Variants in ARFGEF1 observed in about 807,000 individuals in gnomAD.
ARFGEF1 encodes the protein ARF guanine nucleotide exchange factor 1, also known as brefeldin A-inhibited guanine nucleotide-exchange protein 1.
ARFGEF1 carries 42 observed loss-of-function variants against 231.0 expected under a neutral mutation model. The observed-to-expected ratio is 0.18, with a 90% CI of 0.14 to 0.24. The LOEUF is 0.24. Ranked by LOEUF, ARFGEF1 falls within the 10% of genes least tolerant of loss-of-function variation. ARFGEF1 has a pLI of 1.00. For synonymous variants in ARFGEF1, 710 were observed against 732.3 expected (o/e 0.97, Z 0.49); for missense variants, 1,345 against 2,192.0 (o/e 0.61, Z 7.72).
At chr8:67,210,788 C>G (rs1838706832) in intron 34 of ARFGEF1, among the ~76,000 whole-genome samples, 1 of 152,172 alleles carries the variant, frequency 6.6e-6, no homozygotes, top group Non-Finnish European at 1.5e-5. Context: ...GGCGCAGTGG[C>G]TCACGCCTGT....
rs997759524 is a variant in ARFGEF1, at chr8:67,327,087, T to C, written c.124+16077A>G. 7.9e-5 allele frequency among the ~76,000 whole-genome samples: 12 copies of C among 152,326 alleles called. No homozygotes were observed. In the East Asian group the frequency reaches 2.3e-3, roughly 29 times the overall value. ...TGTGTTCACTATGAGGTTGACTTGC[T>C]TGTAAATAAATATGACTATTATTCA... is the stretch of plus-strand genomic sequence containing the variant. On this transcript the variant is annotated intron_variant, in intron 1 of 38. Coordinates refer to ENST00000262215, the MANE Select transcript of ARFGEF1 (RefSeq NM_006421.5).
Position 67,198,899 on chromosome 8 carries a change from G to A in ARFGEF1, c.*35C>T, listed in dbSNP as rs776205184. 2 of 1,608,690 alleles carry A rather than the reference G, an allele frequency of 1.2e-6. No homozygotes were observed. Among genetic ancestry groups the A allele is most frequent in the East Asian group, 4.5e-5 (2 of 44,658 alleles). On this transcript the variant is annotated 3_prime_UTR_variant, in exon 39 of 39. Coordinates refer to ENST00000262215, the MANE Select transcript of ARFGEF1 (RefSeq NM_006421.5). ...CTCCAGCGTCCTTTTAAAGAGCAGA[G>A]GGATGTAAATGCCAACAAAAATATT...
chr8:67,311,177 G>A (rs1173314262), intron 1 of ARFGEF1, among the ~76,000 whole-genome samples: 44 of 138,580 alleles, frequency 3.2e-4, no homozygotes, highest in African/African-American at 1.1e-3. Flanking sequence ...CTGCCCGGCC[G>A]CCCCCACTGG....
At chr8:67,331,806 TTC>T (rs1446854858) in intron 1 of ARFGEF1, among the ~76,000 whole-genome samples, 5 of 152,078 alleles carry the variant, frequency 3.3e-5, no homozygotes, top group South Asian at 2.1e-4. Context: ...AGACAGCAAA[TTC>T]TCTGTCTTGT....
At chr8:67,233,750 T>C (rs1487956301) in intron 22 of ARFGEF1, among the ~76,000 whole-genome samples, 1 of 151,984 alleles carries the variant, frequency 6.6e-6, no homozygotes, top group Non-Finnish European at 1.5e-5. Context: ...TACTGTTACT[T>C]ACAAGATAAA....
chr8:67,210,171 A>G (rs989933270), intron 34 of ARFGEF1, among the ~76,000 whole-genome samples: 11 of 150,380 alleles, frequency 7.3e-5, no homozygotes, highest in Middle Eastern at 3.4e-3. Context: ...AAAAAAAAAA[A>G]AAAGAAAAAC....
At chr8:67,287,032 T>G (rs1379557590) in intron 7 of ARFGEF1, among the ~76,000 whole-genome samples, 1 of 152,186 alleles carries the variant, frequency 6.6e-6, no homozygotes, top group East Asian at 1.9e-4. Flanking sequence ...ACTGAAACAC[T>G]ACCTGTGCAG....
intron 15 of ARFGEF1, among the ~76,000 whole-genome samples, chr8:67,258,818 T>TACACACACACACACACACACACACAC (rs10576509): frequency 8.4e-5 from 12 of 143,038 alleles, no homozygotes; most frequent in African/African-American, 2.3e-4. Flanking sequence ...AAGCAGATTT[T>TACACACACACACACACACACACACAC]ACACACACAC....
chr8:67,237,606 G>A (rs906235296), intron 22 of ARFGEF1, among the ~76,000 whole-genome samples: 6 of 152,052 alleles, frequency 3.9e-5, no homozygotes, highest in Admixed American at 1.3e-4. Context: ...TAGAAACTTC[G>A]AATATACCAG....
chr8:67,252,046 G>A (rs1301533054), intron 18 of ARFGEF1, among the ~76,000 whole-genome samples: 1 of 152,080 alleles, frequency 6.6e-6, no homozygotes, highest in Non-Finnish European at 1.5e-5. Context: ...AAGGCAGGCG[G>A]ATCACCTGAG....
chr8:67,312,990 G>A (rs1338874878), intron 1 of ARFGEF1, among the ~76,000 whole-genome samples: 1 of 152,156 alleles, frequency 6.6e-6, no homozygotes, highest in Admixed American at 6.6e-5. Flanking sequence ...ATAAATGCAT[G>A]AAAATGGACA....
At chr8:67,214,444 G>A (rs183336225) in intron 33 of ARFGEF1, among the ~76,000 whole-genome samples, 154 of 152,326 alleles carry the variant, frequency 1.0e-3, no homozygotes, top group African/African-American at 3.4e-3. Context: ...ATATATTGAT[G>A]AAAGAACTGT....
At chr8:67,240,903 G>A (rs1014493269) in intron 19 of ARFGEF1, among the ~76,000 whole-genome samples, 2 of 152,096 alleles carry the variant, frequency 1.3e-5, no homozygotes, top group Non-Finnish European at 2.9e-5. Flanking sequence ...TTTGAATCCT[G>A]AATGAAGTTA....
chr8:67,224,156 T>G (rs920648249), intron 29 of ARFGEF1, among the ~76,000 whole-genome samples: 1 of 152,108 alleles, frequency 6.6e-6, no homozygotes, highest in Non-Finnish European at 1.5e-5. Context: ...CACATCCAAA[T>G]AACAGAAGAT....
At chr8:67,271,579 A>T (rs1805102860) in intron 10 of ARFGEF1, 123 bp downstream of exon 10, 1 of 730,452 alleles carries the variant, frequency 1.4e-6, no homozygotes. Flanking sequence ...GAAAAAAAAT[A>T]AGTGCATGGC....
chr8:67,212,199 C>T (rs1838775632), intron 33 of ARFGEF1, among the ~76,000 whole-genome samples: 1 of 152,164 alleles, frequency 6.6e-6, no homozygotes. Flanking sequence ...TCTCCTGCCT[C>T]AGCCTCCCCA....
In ARFGEF1 at chr8:67,197,699, C is replaced by CTAT. The variant is rs1838120835; in HGVS notation, c.*1232_*1234dup. The CTAT allele has an allele frequency of 1.0e-6, 1 of 985,650 alleles. No homozygotes were observed. Among genetic ancestry groups the CTAT allele is most frequent in the African/African-American group, 1.7e-5 (1 of 57,286 alleles). The allele number at this position is 985,650 out of a possible 1,614,324, so 61.1% of individuals were successfully genotyped here. ...GAAATAATTCAAAAACTTTATTGAC[C>CTAT]TATAACCTGATTAGAATATGCCAGA... On this transcript the variant is annotated 3_prime_UTR_variant, in exon 39 of 39. Coordinates refer to ENST00000262215, the MANE Select transcript of ARFGEF1 (RefSeq NM_006421.5).
chr8:67,244,736 A>C (rs1332687641), intron 19 of ARFGEF1, among the ~76,000 whole-genome samples: 1 of 150,430 alleles, frequency 6.6e-6, no homozygotes, highest in African/African-American at 2.5e-5. Flanking sequence ...TCTGGAAAAT[A>C]GTTTTAAAAG....
Position 67,228,216 on chromosome 8 carries a change from A to G in ARFGEF1, c.3421+8T>C. ...CAGTTCCGAAGTAGAATAAATGCCC[A>G]TACTTACCAATGGCATTTCCATCTA... On this transcript the variant is annotated splice_region_variant and intron_variant, in intron 24 of 38. Coordinates refer to ENST00000262215, the MANE Select transcript of ARFGEF1 (RefSeq NM_006421.5). 6.2e-7 allele frequency: 1 copy of G among 1,610,994 alleles called. No homozygotes were observed. Among genetic ancestry groups the G allele is most frequent in the Non-Finnish European group, 8.5e-7 (1 of 1,178,270 alleles).
Sources: allele counts gnomAD v4.1 joint callset (sites outside exome capture counted in the v4.1 genomes callset), GRCh38; gene constraint gnomAD v4.1.1; transcripts MANE v1.5; gene names NCBI Gene and HGNC (gene_info 2026-07-23, HGNC 2026-07-21).